HNRNPA1L2: variants seen among roughly 807,000 people sequenced by gnomAD.
HNRNPA1L2 encodes heterogeneous nuclear ribonucleoprotein A1 like 2.
A neutral mutation model predicts 18.2 loss-of-function variants in HNRNPA1L2; 10 were observed. The observed-to-expected ratio is 0.55, with a 90% CI of 0.34 to 0.93. HNRNPA1L2 has a LOEUF of 0.93. HNRNPA1L2 is among the 40% of genes least tolerant of loss of function. The probability of loss-of-function intolerance (pLI) is 0.02; values close to 1 mark genes in which losing one functional copy is unlikely to be tolerated. For missense variants in HNRNPA1L2, 308 were observed against 394.4 expected (o/e 0.78, Z 1.85); for synonymous variants, 124 against 138.6 (o/e 0.89, Z 0.74).
chr13:52,638,476 G>C (rs551276288), upstream of HNRNPA1L2, among the ~76,000 whole-genome samples: 24 of 147,612 alleles, frequency 1.6e-4, no homozygotes, highest in African/African-American at 6.2e-4. Flanking sequence ...TACACATTTG[G>C]TTCTAAAGAA....
At chr13:52,619,993 GT>G in the HNRNPA1L2 span, among the ~76,000 whole-genome samples, 1,183 of 150,752 alleles carry the variant, frequency 7.8e-3, 5 homozygotes, top group African/African-American at 0.019. Flanking sequence ...TATTATGAGA[GT>G]CCTGTGTACT....
chr13:52,623,466 G>T, the HNRNPA1L2 span, among the ~76,000 whole-genome samples: 6 of 152,090 alleles, frequency 3.9e-5, no homozygotes, highest in Non-Finnish European at 8.8e-5. Flanking sequence ...TTGCAGGATG[G>T]GTGTGATGTA....
chr13:52,625,098 A>C, the HNRNPA1L2 span, among the ~76,000 whole-genome samples: 1 of 151,908 alleles, frequency 6.6e-6, no homozygotes, highest in Non-Finnish European at 1.5e-5. Flanking sequence ...TACAGGATTG[A>C]ATAGATTGTT....
chr13:52,623,378 G>A, the HNRNPA1L2 span, among the ~76,000 whole-genome samples: 1 of 152,168 alleles, frequency 6.6e-6, no homozygotes, highest in African/African-American at 2.4e-5. Context: ...ATACGCAGGA[G>A]CATCATACCC....
the HNRNPA1L2 span, among the ~76,000 whole-genome samples, chr13:52,633,749 C>T: frequency 2.0e-5 from 3 of 152,088 alleles, no homozygotes; most frequent in African/African-American, 7.2e-5. Context: ...GAATTCGATG[C>T]TGCAATGAGT....
chr13:52,631,268 A>G, the HNRNPA1L2 span, among the ~76,000 whole-genome samples: 1 of 152,228 alleles, frequency 6.6e-6, no homozygotes, highest in Non-Finnish European at 1.5e-5. Context: ...AGCCTCCATC[A>G]GCCTGTTTCC....
the HNRNPA1L2 span, among the ~76,000 whole-genome samples, chr13:52,626,635 C>G: frequency 3.9e-5 from 6 of 151,956 alleles, no homozygotes; most frequent in African/African-American, 9.7e-5. Context: ...CAACATTTTA[C>G]TATTCTTGTA....
At chr13:52,639,893 T>G (rs146530241), upstream of HNRNPA1L2, among the ~76,000 whole-genome samples, 3,483 of 84,272 alleles carry the variant, frequency 0.041, 133 homozygotes, top group Non-Finnish European at 0.083. Flanking sequence ...TTTTTTTTTT[T>G]TTGTTTTTTT....
chr13:52,625,379 T>G, the HNRNPA1L2 span, among the ~76,000 whole-genome samples: 1 of 152,074 alleles, frequency 6.6e-6, no homozygotes, highest in East Asian at 1.9e-4. Context: ...CCTCCTAAAG[T>G]GCTGGGATTA....
chr13:52,622,101 G>A, the HNRNPA1L2 span: 1 of 159,850 alleles, frequency 6.3e-6, no homozygotes, highest in Middle Eastern at 2.9e-3. Flanking sequence ...AACCAAGACA[G>A]TGTAAAGGAA....
the HNRNPA1L2 span, among the ~76,000 whole-genome samples, chr13:52,624,047 G>A: frequency 6.6e-6 from 1 of 152,206 alleles, no homozygotes; most frequent in Non-Finnish European, 1.5e-5. Flanking sequence ...CTTTCTCACC[G>A]CATGGTGGCT....
chr13:52,630,037 A>G, the HNRNPA1L2 span, among the ~76,000 whole-genome samples: 3 of 151,960 alleles, frequency 2.0e-5, no homozygotes, highest in African/African-American at 7.2e-5. Context: ...GCAGTGAGCC[A>G]AGATCGTGCC....
the HNRNPA1L2 span, among the ~76,000 whole-genome samples, chr13:52,620,677 A>T: frequency 2.0e-5 from 3 of 152,138 alleles, no homozygotes; most frequent in African/African-American, 7.2e-5. Flanking sequence ...AGGGAAGCCT[A>T]GGTGGGTGGT....
chr13:52,630,536 G>T, the HNRNPA1L2 span, among the ~76,000 whole-genome samples: 1 of 152,196 alleles, frequency 6.6e-6, no homozygotes, highest in Non-Finnish European at 1.5e-5. Flanking sequence ...CTCCCAAAGT[G>T]CTGGGATTAC....
chr13:52,623,513 C>T, the HNRNPA1L2 span, among the ~76,000 whole-genome samples: 1 of 152,006 alleles, frequency 6.6e-6, no homozygotes, highest in African/African-American at 2.4e-5. Context: ...TATCAGTGGT[C>T]CTGTGTTTAA....
At chr13:52,624,626 G>A in the HNRNPA1L2 span, among the ~76,000 whole-genome samples, 2 of 152,214 alleles carry the variant, frequency 1.3e-5, no homozygotes, top group African/African-American at 4.8e-5. Context: ...TTCTGATAAC[G>A]TTTTTTAAGA....
At chr13:52,628,768 A>G in the HNRNPA1L2 span, among the ~76,000 whole-genome samples, 3 of 152,276 alleles carry the variant, frequency 2.0e-5, no homozygotes, top group African/African-American at 7.2e-5. Context: ...TAATTTAAAC[A>G]TAACTTTGTA....
the HNRNPA1L2 span, chr13:52,629,502 T>G: frequency 6.4e-6 from 1 of 155,726 alleles, no homozygotes; most frequent in East Asian, 1.9e-4. Context: ...TCTTACTCTC[T>G]GTATACCACT....
At chr13:52,622,562 A>G in the HNRNPA1L2 span, among the ~76,000 whole-genome samples, 2 of 152,192 alleles carry the variant, frequency 1.3e-5, no homozygotes, top group Non-Finnish European at 2.9e-5. Flanking sequence ...ACTGCTACTT[A>G]ACTGCCTCTT....
Sources: gnomAD v4.1 joint callset for allele counts (sites outside exome capture counted in the v4.1 genomes callset) on GRCh38, gnomAD v4.1.1 for gene constraint, MANE v1.5 for transcripts, NCBI Gene and HGNC (gene_info 2026-07-23, HGNC 2026-07-21) for gene names.